CNTN4: variants seen among roughly 807,000 people sequenced by gnomAD.
CNTN4 encodes contactin 4, also known as contactin-4.
A neutral mutation model predicts 122.5 loss-of-function variants in CNTN4; 77 were observed. That is an observed-to-expected ratio of 0.63 (90% CI 0.52 to 0.76). The LOEUF (loss-of-function observed/expected upper bound fraction) is 0.76. CNTN4 is among the 30% of genes least tolerant of loss of function. The pLI is 0.00. For missense variants in CNTN4, 1,256 were observed against 1,259.1 expected (o/e 1.00, Z 0.04); for synonymous variants, 512 against 447.0 (o/e 1.15, Z -1.83).
At chr3:2,719,222 G>A (rs113482445) in intron 4 of CNTN4, among the ~76,000 whole-genome samples, 1 of 151,866 alleles carries the variant, frequency 6.6e-6, no homozygotes, top group Middle Eastern at 3.2e-3. Context: ...ATGAATGAAT[G>A]ATTAAGGAAC....
intron 3 of CNTN4, among the ~76,000 whole-genome samples, chr3:2,558,608 T>C (rs1401099393): frequency 1.3e-5 from 2 of 152,278 alleles, no homozygotes; most frequent in South Asian, 4.1e-4. Context: ...TTTGACTATT[T>C]GGTTAATATG....
At chr3:2,882,305 G>A (rs1033642762) in intron 8 of CNTN4, among the ~76,000 whole-genome samples, 5 of 151,974 alleles carry the variant, frequency 3.3e-5, no homozygotes, top group African/African-American at 9.7e-5. Context: ...GGCAGAGATT[G>A]CAGTGAGCCA....
At chr3:2,100,142 A>C (rs2031792015) in intron 1 of CNTN4, among the ~76,000 whole-genome samples, 1 of 152,094 alleles carries the variant, frequency 6.6e-6, no homozygotes, top group African/African-American at 2.4e-5. Context: ...GTCTGCGTGG[A>C]GGAGAGTGGG....
At chr3:2,750,250 T>G (rs571897962) in intron 6 of CNTN4, among the ~76,000 whole-genome samples, 1 of 152,338 alleles carries the variant, frequency 6.6e-6, no homozygotes, top group East Asian at 1.9e-4. Context: ...CAACCTTCAC[T>G]TTATTTACCA....
chr3:2,184,738 C>T (rs34225284), intron 2 of CNTN4, among the ~76,000 whole-genome samples: 43,088 of 152,002 alleles, frequency 0.28, 7,775 homozygotes, highest in Non-Finnish European at 0.42. Context: ...AGCAACAGGG[C>T]ACCATCTTGG....
chr3:3,039,315 T>A (rs540740978), intron 19 of CNTN4: 1 of 293,248 alleles, frequency 3.4e-6, no homozygotes, highest in Admixed American at 4.3e-5. Context: ...CCTGAATTGC[T>A]GCATGGCCAA....
At chr3:2,234,697 T>C (rs1372662165) in intron 2 of CNTN4, among the ~76,000 whole-genome samples, 3 of 152,226 alleles carry the variant, frequency 2.0e-5, no homozygotes, top group Non-Finnish European at 4.4e-5. Context: ...TTTATTTGAA[T>C]CTTTATCAGC....
chr3:2,132,971 G>A (rs906536660), intron 2 of CNTN4, among the ~76,000 whole-genome samples: 1 of 152,148 alleles, frequency 6.6e-6, no homozygotes, highest in Non-Finnish European at 1.5e-5. Context: ...AAGAGAAGTT[G>A]GTTCTTGGAT....
intron 4 of CNTN4, among the ~76,000 whole-genome samples, chr3:2,646,718 A>C (rs1028222132): frequency 2.0e-4 from 30 of 152,206 alleles, no homozygotes; most frequent in African/African-American, 5.3e-4. Flanking sequence ...GTCCAAGATC[A>C]AGGCTTCAGA....
intron 7 of CNTN4, among the ~76,000 whole-genome samples, chr3:2,830,317 T>C (rs1473269127): frequency 1.3e-5 from 2 of 152,198 alleles, no homozygotes; most frequent in Non-Finnish European, 2.9e-5. Context: ...AAAAAGATTA[T>C]CTCCAGGTTT....
intron 4 of CNTN4, among the ~76,000 whole-genome samples, chr3:2,575,390 A>T (rs1394686226): frequency 1.3e-5 from 2 of 151,906 alleles, no homozygotes; most frequent in African/African-American, 4.8e-5. Context: ...GCACGTCTAT[A>T]ATGTCAGCTG....
intron 2 of CNTN4, among the ~76,000 whole-genome samples, chr3:2,307,446 A>T (rs559586399): frequency 6.6e-6 from 1 of 152,144 alleles, no homozygotes; most frequent in East Asian, 1.9e-4. Context: ...AAAAAAAAAA[A>T]AAAAATAGCA....
chr3:2,790,939 G>A (rs62232893), intron 6 of CNTN4, among the ~76,000 whole-genome samples: 10,780 of 152,192 alleles, frequency 0.071, 442 homozygotes, highest in African/African-American at 0.093. Context: ...AGGTTCAAAT[G>A]AGCTTGGATT....
At chr3:2,983,345 T>G (rs982517901) in intron 13 of CNTN4, among the ~76,000 whole-genome samples, 6 of 150,032 alleles carry the variant, frequency 4.0e-5, no homozygotes, top group African/African-American at 1.5e-4. Context: ...CTATTTGGTG[T>G]CACCCATATG....
chr3:2,362,484 G>A (rs1485413768), intron 3 of CNTN4: 4 of 492,564 alleles, frequency 8.1e-6, no homozygotes, highest in Admixed American at 2.4e-5. Context: ...AGTGTCTTGT[G>A]TTCCCTGAGG....
chr3:2,790,320 G>A (rs1324281694), intron 6 of CNTN4, among the ~76,000 whole-genome samples: 1 of 152,188 alleles, frequency 6.6e-6, no homozygotes, highest in Non-Finnish European at 1.5e-5. Context: ...AAGGCATTGA[G>A]CCATAGTGGA....
intron 2 of CNTN4, among the ~76,000 whole-genome samples, chr3:2,103,936 T>C (rs907419533): frequency 1.3e-5 from 2 of 152,174 alleles, no homozygotes; most frequent in Non-Finnish European, 2.9e-5. Context: ...TGTGTAGTGG[T>C]CAATAGTAAG....
At chr3:2,985,049 C>T (rs1276866620) in intron 13 of CNTN4, among the ~76,000 whole-genome samples, 1 of 152,174 alleles carries the variant, frequency 6.6e-6, no homozygotes, top group East Asian at 1.9e-4. Flanking sequence ...CTGTTATATG[C>T]GTAGCTGTGA....
At chr3:2,220,575 C>T (rs775125322) in intron 2 of CNTN4, among the ~76,000 whole-genome samples, 2 of 152,064 alleles carry the variant, frequency 1.3e-5, no homozygotes, top group African/African-American at 2.4e-5. Context: ...TTCTATGTTA[C>T]CTCCTTTCAG....
Sources: gnomAD v4.1 joint callset for allele counts (sites outside exome capture counted in the v4.1 genomes callset) on GRCh38, gnomAD v4.1.1 for gene constraint, MANE v1.5 for transcripts, NCBI Gene and HGNC (gene_info 2026-07-23, HGNC 2026-07-21) for gene names.